Variants in DOCK10 observed in about 807,000 individuals in gnomAD.
The protein encoded by DOCK10 is dedicator of cytokinesis 10, also known as dedicator of cytokinesis protein 10.
Under a neutral mutation model 280.1 loss-of-function variants are expected in DOCK10, and 145 were observed. The observed-to-expected ratio is 0.52, with a 90% CI of 0.45 to 0.59. The LOEUF is 0.59. Among genes scored for constraint, DOCK10 ranks in the 20% least tolerant of loss-of-function variants. The probability of loss-of-function intolerance (pLI) is 0.00; values close to 1 mark genes in which losing one functional copy is unlikely to be tolerated. For synonymous variants in DOCK10, 915 were observed against 942.2 expected (o/e 0.97, Z 0.53); for missense variants, 2,368 against 2,651.7 (o/e 0.89, Z 2.35).
chr2:225,016,632 CATATATCTATGTGCACATAGATACAT>C (rs1559962996), intron 1 of DOCK10, among the ~76,000 whole-genome samples: 397 of 24,736 alleles, frequency 0.016, 44 homozygotes, highest in African/African-American at 0.081. Context: ...CACATAGATA[CATATATCTATGTGCACATAGATACAT>C]AGATACATAT....
chr2:224,778,342 CA>C, intron 50 of DOCK10, 58 bp from the exon 51 acceptor site: 2 of 1,511,920 alleles, frequency 1.3e-6, no homozygotes, highest in Non-Finnish European at 1.8e-6. Flanking sequence ...AAATCAAAAG[CA>C]AAACAAAAAG....
intron 3 of DOCK10, among the ~76,000 whole-genome samples, chr2:224,908,184 A>G (rs77774983): frequency 0.017 from 2,567 of 148,428 alleles, 69 homozygotes; most frequent in African/African-American, 0.059. Context: ...GTGTGTGTGT[A>G]TGTGTGTGTG....
intron 1 of DOCK10, among the ~76,000 whole-genome samples, chr2:224,934,118 T>C (rs1443880066): frequency 6.6e-6 from 1 of 152,140 alleles, no homozygotes; most frequent in Admixed American, 6.5e-5. Context: ...CGTGATCGTA[T>C]AGTGGTTAGT....
At chr2:224,994,076 G>C (rs1559936488) in intron 1 of DOCK10, among the ~76,000 whole-genome samples, 1 of 152,104 alleles carries the variant, frequency 6.6e-6, no homozygotes, top group Admixed American at 6.6e-5. Context: ...GAATAAAAAT[G>C]GTGACATATT....
At chr2:224,833,227 G>A (rs1041404410) in intron 26 of DOCK10, among the ~76,000 whole-genome samples, 2 of 151,748 alleles carry the variant, frequency 1.3e-5, no homozygotes, top group Admixed American at 6.5e-5. Flanking sequence ...ACCCTCCAAC[G>A]ACACAACTCC....
intron 47 of DOCK10, among the ~76,000 whole-genome samples, chr2:224,791,052 CTCA>C (rs1270980520): frequency 6.6e-6 from 1 of 152,116 alleles, no homozygotes; most frequent in African/African-American, 2.4e-5. Flanking sequence ...ACATTATATT[CTCA>C]TATCACCTTA....
Position 224,823,514 on chromosome 2 carries a change from G to T in DOCK10, c.3170C>A (p.Ala1057Asp). Residue 1057 changes from alanine to aspartate, a missense_variant, in exon 28 of 56, where the codon GCC (alanine) becomes GAC (aspartate). Transcript: ENST00000258390. ...EETRRANHSV[A>D]RFLKRCFTFM... Reference sequence around the variant, plus strand: ...ATATAACTGTACCTTGAGAAATCTGGCAACGCTGTGGTTTGCCCTTCTTGT... The same window carrying T: ...ATATAACTGTACCTTGAGAAATCTGTCAACGCTGTGGTTTGCCCTTCTTGT... The T allele has an allele frequency of 6.3e-7, 1 of 1,597,528 alleles. No individual in the cohort carries two copies. Among genetic ancestry groups the T allele is most frequent in the Non-Finnish European group, 8.5e-7 (1 of 1,174,872 alleles).
intron 1 of DOCK10, among the ~76,000 whole-genome samples, chr2:224,990,866 A>T (rs1469398688): frequency 6.6e-6 from 1 of 152,226 alleles, no homozygotes; most frequent in Non-Finnish European, 1.5e-5. Context: ...TCAATTCCTG[A>T]AAAGGGACAG....
At chr2:224,900,402 T>C (rs1432305925) in intron 3 of DOCK10, among the ~76,000 whole-genome samples, 1 of 152,138 alleles carries the variant, frequency 6.6e-6, no homozygotes, top group Non-Finnish European at 1.5e-5. Context: ...ATTTTATAGA[T>C]TAGAGAGGCA....
intron 1 of DOCK10, among the ~76,000 whole-genome samples, chr2:225,016,542 T>C (rs1248092701): frequency 6.9e-6 from 1 of 145,976 alleles, no homozygotes; most frequent in Non-Finnish European, 1.5e-5. Flanking sequence ...GATACATATA[T>C]CTATATGCAC....
At chr2:224,842,290 T>C (rs1290135569) in intron 22 of DOCK10, among the ~76,000 whole-genome samples, 2 of 152,250 alleles carry the variant, frequency 1.3e-5, no homozygotes, top group Non-Finnish European at 2.9e-5. Context: ...CAATGCGTAC[T>C]CTTTAATATC....
At chr2:224,825,671 T>C (rs890262431) in intron 27 of DOCK10, among the ~76,000 whole-genome samples, 1 of 152,248 alleles carries the variant, frequency 6.6e-6, no homozygotes, top group Non-Finnish European at 1.5e-5. Context: ...CAAAGTCTCC[T>C]GTGGCCTACT....
At chr2:225,027,259 G>A (rs1441722262) in intron 1 of DOCK10, among the ~76,000 whole-genome samples, 1 of 152,144 alleles carries the variant, frequency 6.6e-6, no homozygotes, top group Non-Finnish European at 1.5e-5. Context: ...GACAGTCTAG[G>A]GTCTACTGAA....
intron 1 of DOCK10, among the ~76,000 whole-genome samples, chr2:225,038,654 ATACAAT>A (rs1207595769): frequency 2.0e-5 from 3 of 152,220 alleles, no homozygotes; most frequent in African/African-American, 7.2e-5. Flanking sequence ...ACAAAATTAG[ATACAAT>A]TAAAAAGGAG....
chr2:224,830,192 C>A (rs1178203079), intron 27 of DOCK10, among the ~76,000 whole-genome samples: 2 of 152,192 alleles, frequency 1.3e-5, no homozygotes, highest in Non-Finnish European at 2.9e-5. Context: ...CCCATCAGCC[C>A]AGCTAAAACC....
intron 1 of DOCK10, among the ~76,000 whole-genome samples, chr2:224,985,289 G>C (rs1258925363): frequency 1.3e-5 from 2 of 151,986 alleles, no homozygotes; most frequent in African/African-American, 4.8e-5. Flanking sequence ...AGGAAATAAT[G>C]TCACTAACAA....
intron 1 of DOCK10, among the ~76,000 whole-genome samples, chr2:224,961,609 C>T (rs907144267): frequency 2.0e-5 from 3 of 151,044 alleles, no homozygotes; most frequent in South Asian, 2.1e-4. Context: ...TGGGTTCAAG[C>T]GATTCTCCTG....
At chr2:225,035,649 A>AACACT (rs1559987409) in intron 1 of DOCK10, among the ~76,000 whole-genome samples, 3 of 134,426 alleles carry the variant, frequency 2.2e-5, no homozygotes, top group African/African-American at 6.6e-5. Context: ...TAATAACCAA[A>AACACT]GAATCAGTGT....
chr2:224,808,677 A>AAC (rs1313414706), intron 31 of DOCK10, among the ~76,000 whole-genome samples: 2 of 152,084 alleles, frequency 1.3e-5, no homozygotes, highest in Non-Finnish European at 2.9e-5. Flanking sequence ...GATGATGGAG[A>AAC]ACAGTACAAT....
Sources: allele counts gnomAD v4.1 joint callset (sites outside exome capture counted in the v4.1 genomes callset), GRCh38; gene constraint gnomAD v4.1.1; transcripts MANE v1.5; gene names NCBI Gene and HGNC (gene_info 2026-07-23, HGNC 2026-07-21).